Variants in TBC1D19 observed in about 807,000 individuals in gnomAD.
TBC1D19 encodes the protein TBC1 domain family member 19, also known as TBC1 domain family, member 19.
In TBC1D19, 60 loss-of-function variants were observed where a neutral mutation model predicts 89.0. The ratio of observed to expected loss-of-function variants is 0.67; its 90% CI spans 0.55 to 0.84. The LOEUF (loss-of-function observed/expected upper bound fraction) is 0.84. TBC1D19 is among the 40% of genes least tolerant of loss of function. TBC1D19 has a pLI of 0.00. For missense variants in TBC1D19, 500 were observed against 610.8 expected, an observed-to-expected ratio of 0.82 and a Z score of 1.91; for synonymous variants, 189 against 199.7, an observed-to-expected ratio of 0.95 and a Z score of 0.45.
At chr4:26,839,596 A>C in the TBC1D19 span, among the ~76,000 whole-genome samples, 1 of 152,114 alleles carries the variant, frequency 6.6e-6, no homozygotes, top group African/African-American at 2.4e-5. Flanking sequence ...TCTGTCAAAA[A>C]AAAAATGCTG....
chr4:26,584,581 A>C (rs988567637), intron 1 of TBC1D19, among the ~76,000 whole-genome samples: 1 of 152,090 alleles, frequency 6.6e-6, no homozygotes, highest in Non-Finnish European at 1.5e-5. Flanking sequence ...GACCAGAGAA[A>C]CGCTTACTCA....
chr4:26,854,760 C>T, the TBC1D19 span, among the ~76,000 whole-genome samples: 14 of 140,966 alleles, frequency 9.9e-5, no homozygotes, highest in East Asian at 1.2e-3. Context: ...CTGGGGCTTC[C>T]CTTTTGTTAC....
intron 4 of TBC1D19, among the ~76,000 whole-genome samples, chr4:26,634,443 T>C (rs569522452): frequency 2.0e-5 from 3 of 152,214 alleles, no homozygotes; most frequent in African/African-American, 4.8e-5. Flanking sequence ...TGGAGATGAT[T>C]AGCATCACCC....
At chr4:26,702,908 A>C (rs192070938) in intron 13 of TBC1D19, among the ~76,000 whole-genome samples, 1 of 152,148 alleles carries the variant, frequency 6.6e-6, no homozygotes, top group Non-Finnish European at 1.5e-5. Context: ...AACTGCTGCT[A>C]TATGTTTGAC....
chr4:26,851,304 C>CCTCTCTATCTATCTATCTGTCTAT, the TBC1D19 span, among the ~76,000 whole-genome samples: 88 of 147,082 alleles, frequency 6.0e-4, 1 homozygote, highest in African/African-American at 2.1e-3. Flanking sequence ...TAATAAATAC[C>CCTCTCTATCTATCTATCTGTCTAT]CTATCTATCT....
At chr4:26,684,421 G>T (rs930416434) in intron 12 of TBC1D19, among the ~76,000 whole-genome samples, 12 of 152,110 alleles carry the variant, frequency 7.9e-5, no homozygotes, top group Admixed American at 7.2e-4. Context: ...ACTGCCATGT[G>T]GTGTCCACTT....
chr4:26,798,299 A>G, the TBC1D19 span, among the ~76,000 whole-genome samples: 5 of 152,208 alleles, frequency 3.3e-5, no homozygotes, highest in Non-Finnish European at 7.3e-5. Context: ...AAACACATGA[A>G]AAAATGCTCA....
At chr4:26,608,137 T>A (rs1741124174) in intron 1 of TBC1D19, among the ~76,000 whole-genome samples, 1 of 152,254 alleles carries the variant, frequency 6.6e-6, no homozygotes, top group African/African-American at 2.4e-5. Context: ...TTAGGATTTA[T>A]CTCAAAATAA....
intron 1 of TBC1D19, among the ~76,000 whole-genome samples, chr4:26,589,288 A>G (rs1739621120): frequency 1.3e-5 from 2 of 152,094 alleles, no homozygotes; most frequent in Non-Finnish European, 2.9e-5. Flanking sequence ...AACACAAACA[A>G]CAACAACAAC....
intron 1 of TBC1D19, among the ~76,000 whole-genome samples, chr4:26,594,115 A>T (rs575619852): frequency 6.6e-6 from 1 of 152,236 alleles, no homozygotes; most frequent in African/African-American, 2.4e-5. Flanking sequence ...GGTAGACTGG[A>T]TAAAGAAAAT....
chr4:26,729,263 A>G (rs778529388), intron 15 of TBC1D19, among the ~76,000 whole-genome samples: 1 of 152,180 alleles, frequency 6.6e-6, no homozygotes, highest in Middle Eastern at 3.2e-3. Context: ...TTGAACTTTG[A>G]TCTCCTAACT....
chr4:26,839,893 C>A, the TBC1D19 span, among the ~76,000 whole-genome samples: 3 of 152,190 alleles, frequency 2.0e-5, no homozygotes, highest in South Asian at 6.2e-4. Flanking sequence ...TAGGGTGAGT[C>A]ACAGGAAGCC....
chr4:26,741,043 T>C, intron 17 of TBC1D19: 7 of 821,912 alleles, frequency 8.5e-6, no homozygotes, highest in Non-Finnish European at 1.0e-5. Context: ...ATCAGAAATA[T>C]GACCAATAAT....
the TBC1D19 span, among the ~76,000 whole-genome samples, chr4:26,796,077 C>G: frequency 6.6e-6 from 1 of 152,118 alleles, no homozygotes; most frequent in African/African-American, 2.4e-5. Flanking sequence ...CTTTCTTGTC[C>G]TTTATTATAC....
At chr4:26,765,301 A>G in the TBC1D19 span, among the ~76,000 whole-genome samples, 1 of 152,104 alleles carries the variant, frequency 6.6e-6, no homozygotes, top group Non-Finnish European at 1.5e-5. Flanking sequence ...GGAGAGAAAA[A>G]AAGTTTGAAA....
chr4:26,841,385 CAA>C, the TBC1D19 span, among the ~76,000 whole-genome samples: 1,610 of 110,220 alleles, frequency 0.015, 51 homozygotes, highest in East Asian at 0.15. Flanking sequence ...GACTCTGTCT[CAA>C]AAAAAAAAAA....
the TBC1D19 span, among the ~76,000 whole-genome samples, chr4:26,828,474 C>T: frequency 6.6e-6 from 1 of 152,208 alleles, no homozygotes. Context: ...TTTGTCATTT[C>T]CAAATCATCT....
At chr4:26,690,095 T>C (rs945816583) in intron 13 of TBC1D19, among the ~76,000 whole-genome samples, 1 of 152,060 alleles carries the variant, frequency 6.6e-6, no homozygotes, top group African/African-American at 2.4e-5. Context: ...ATGGAGAAAA[T>C]TTTAGTAGTC....
chr4:26,767,369 A>G, the TBC1D19 span, among the ~76,000 whole-genome samples: 1 of 152,134 alleles, frequency 6.6e-6, no homozygotes, highest in African/African-American at 2.4e-5. Context: ...GTCTTCCTCA[A>G]AACACCACTT....
Sources: gnomAD v4.1 joint callset for allele counts (sites outside exome capture counted in the v4.1 genomes callset) on GRCh38, gnomAD v4.1.1 for gene constraint, MANE v1.5 for transcripts, NCBI Gene and HGNC (gene_info 2026-07-23, HGNC 2026-07-21) for gene names.